The following HIRA variants were observed in gnomAD, a reference collection of about 807,000 sequenced individuals.
The protein encoded by HIRA is protein HIRA.
A neutral mutation model predicts 126.6 loss-of-function variants in HIRA; 13 were observed. That is an observed-to-expected ratio of 0.10 (90% CI 0.07 to 0.16). The LOEUF is 0.16. Ranked by LOEUF, HIRA falls within the 10% of genes least tolerant of loss-of-function variation. HIRA has a pLI of 1.00. For missense variants in HIRA, 834 were observed against 1,314.4 expected (o/e 0.63, Z 5.65); for synonymous variants, 511 against 520.0 (o/e 0.98, Z 0.24).
At chr22:19,411,390 A>G (rs2089350959) in intron 1 of HIRA, among the ~76,000 whole-genome samples, 1 of 152,244 alleles carries the variant, frequency 6.6e-6, no homozygotes, top group Non-Finnish European at 1.5e-5. Context: ...AGAGCCCAGT[A>G]TGGGCCTAGG....
intron 24 of HIRA, among the ~76,000 whole-genome samples, chr22:19,345,258 A>C (rs1395344501): frequency 6.6e-6 from 1 of 152,274 alleles, no homozygotes; most frequent in Non-Finnish European, 1.5e-5. Flanking sequence ...AAAAACTACT[A>C]TAAACAAAGC....
Position 19,333,680 on chromosome 22 carries a change from T to A in HIRA, c.2938-2124A>T, listed in dbSNP as rs147297578. On this transcript the variant is annotated intron_variant, in intron 24 of 24. Coordinates refer to ENST00000263208, the MANE Select transcript of HIRA (RefSeq NM_003325.4). Reference sequence around the variant, plus strand: ...TTTCTTCAAATAAGCTCTCTACTCCTTTCTCTCTCTTACACTTCTAGAACT... The same window carrying A: ...TTTCTTCAAATAAGCTCTCTACTCCATTCTCTCTCTTACACTTCTAGAACT... Among the ~76,000 whole-genome samples, 114 of 152,300 alleles carry A rather than the reference T, an allele frequency of 7.5e-4. 1 individual carries two copies. The East Asian group carries it at 0.019, about 26-fold the overall frequency.
Position 19,431,650 on chromosome 22 carries a change from A to G in HIRA, c.-174T>C. ...GGCCCGCGCCCCCCTCCGCCGCCAC[A>G]GCCGCCACCCGCGCTCGGCCGCCGC... On this transcript the variant is annotated 5_prime_UTR_variant, in exon 1 of 25. Transcript: ENST00000263208. 1.7e-6 allele frequency: 1 copy of G among 581,264 alleles called. No individual in the cohort carries two copies. Among genetic ancestry groups the G allele is most frequent in the Non-Finnish European group, 2.3e-6 (1 of 428,698 alleles). The allele number at this position is 581,264 out of a possible 1,614,324, so 36.0% of individuals were successfully genotyped here.
chr22:19,375,875 C>T, intron 14 of HIRA, 83 bp from the exon 15 acceptor site: 1 of 1,391,472 alleles, frequency 7.2e-7, no homozygotes, highest in Non-Finnish European at 9.9e-7. Flanking sequence ...TTGGAGCCTA[C>T]TAAAAAAGGC....
intron 11 of HIRA, among the ~76,000 whole-genome samples, chr22:19,386,334 C>A: frequency 6.6e-6 from 1 of 152,182 alleles, no homozygotes; most frequent in Non-Finnish European, 1.5e-5. Flanking sequence ...ACAAGCTAGA[C>A]AGGAGCCTCA....
chr22:19,390,627 A>AAAAAAAAAAAAG (rs61174807), intron 9 of HIRA, among the ~76,000 whole-genome samples: 1 of 149,070 alleles, frequency 6.7e-6, no homozygotes, highest in Non-Finnish European at 1.5e-5. Context: ...AAAAAAAAAA[A>AAAAAAAAAAAAG]GAAGCTGAAG....
At chr22:19,357,350 A>G (rs1556012950) in intron 18 of HIRA, among the ~76,000 whole-genome samples, 1 of 152,172 alleles carries the variant, frequency 6.6e-6, no homozygotes, top group Non-Finnish European at 1.5e-5. Context: ...GCCTCTGATG[A>G]TCACCCAGGA....
Position 19,394,461 on chromosome 22 carries a change from G to C in HIRA, c.703C>G (p.His235Asp), listed in dbSNP as rs1405927726. The change falls in exon 8 of 25, where the codon CAT becomes GAT. Residue 235 changes from histidine (H) to aspartate (D), a missense_variant. This residue lies in a region of HIRA where 53 missense variants were observed against 163.7 expected (regional missense o/e 0.32). Coordinates refer to ENST00000263208, the MANE Select transcript of HIRA (RefSeq NM_003325.4). ...VLRLSWSPDG[H>D]YLVSAHAMNN... ...ATGGCATGGGCAGACACCAGGTAATGCCCATCAGGTGACCAGCTGAGCCGC... is the reference window on the plus strand; with the variant it reads ...ATGGCATGGGCAGACACCAGGTAATCCCCATCAGGTGACCAGCTGAGCCGC... 6.2e-7 allele frequency: 1 copy of C among 1,614,126 alleles called. No individual in the cohort carries two copies. The highest frequency in any genetic ancestry group is 2.2e-5 in the East Asian group (1 of 44,888).
chr22:19,359,530 C>A (rs373162024), intron 17 of HIRA, 46 bp from the exon 18 acceptor site: 1 of 1,501,620 alleles, frequency 6.7e-7, no homozygotes. Context: ...GGGCCGCAGC[C>A]CAGGTGACAT....
chr22:19,356,347 C>A (rs1556012548), intron 19 of HIRA, 59 bp from the exon 20 acceptor site: 1 of 1,486,724 alleles, frequency 6.7e-7, no homozygotes, highest in African/African-American at 1.4e-5. Context: ...TCAGAGTGTG[C>A]CTTGGCTGCT....
chr22:19,368,650 A>T (rs2088936365), intron 15 of HIRA, among the ~76,000 whole-genome samples: 1 of 152,216 alleles, frequency 6.6e-6, no homozygotes, highest in South Asian at 2.1e-4. Context: ...CTGATCTGAA[A>T]GGGTTTCATG....
intron 2 of HIRA, among the ~76,000 whole-genome samples, chr22:19,409,743 A>G (rs1215969114): frequency 2.0e-5 from 3 of 152,228 alleles, no homozygotes; most frequent in Non-Finnish European, 2.9e-5. Context: ...GTATTTCCAA[A>G]ACATCTCTGC....
At chr22:19,370,747 C>G (rs951895355) in intron 15 of HIRA, among the ~76,000 whole-genome samples, 1 of 152,224 alleles carries the variant, frequency 6.6e-6, no homozygotes, top group Non-Finnish European at 1.5e-5. Flanking sequence ...GCTCACTATA[C>G]TCATTCTGGC....
rs545242262 is a variant in HIRA, at chr22:19,411,626, C to T, written c.38-848G>A. Among the ~76,000 whole-genome samples the T allele has an allele frequency of 3.9e-5, 6 of 152,338 alleles. No homozygotes were observed. The South Asian group carries it at 1.2e-3, about 32-fold the overall frequency. ...AGCCTCTAGCACAGTACCCAGTGTA[C>T]AGTAGCGCAGTAATATTTGTTCATT... On this transcript the variant is annotated intron_variant, in intron 1 of 24. Transcript: ENST00000263208.
intron 1 of HIRA, among the ~76,000 whole-genome samples, chr22:19,418,925 A>AAC (rs66479451): frequency 0.015 from 2,279 of 149,944 alleles, 41 homozygotes; most frequent in African/African-American, 0.042. Flanking sequence ...ATAAGAAATA[A>AAC]ACACACACAC....
At position 19,378,016 on chromosome 22, in the gene HIRA, G is replaced by A. The variant is rs775209569; in HGVS notation, c.1466C>T (p.Ala489Val). 3.1e-6 allele frequency: 5 copies of A among 1,604,140 alleles called. No homozygotes were observed. Among genetic ancestry groups the A allele is most frequent in the Middle Eastern group, 1.7e-4 (1 of 6,024 alleles). Residue 489 changes from alanine to valine, a missense_variant, in exon 14 of 25, where the codon GCG becomes GTG. This residue lies in a region of HIRA where 468 missense variants were observed against 574.2 expected (regional missense o/e 0.82). Coordinates refer to ENST00000263208, the MANE Select transcript of HIRA (RefSeq NM_003325.4). ...GCTATGAGAAGAGAGCATGGTGCCC[G>A]CCAGGGAGCCCGAGAGGGGGATGCT... ...FNSIPLSGSL[A>V]GTMLSSHSSP...
chr22:19,403,740 T>A (rs1183907927), intron 5 of HIRA, among the ~76,000 whole-genome samples: 1 of 152,232 alleles, frequency 6.6e-6, no homozygotes, highest in Non-Finnish European at 1.5e-5. Context: ...TAGGTTTTCT[T>A]GTATTTTCCA....
intron 5 of HIRA, among the ~76,000 whole-genome samples, chr22:19,404,762 T>C (rs983620366): frequency 1.3e-5 from 2 of 152,184 alleles, no homozygotes; most frequent in Non-Finnish European, 2.9e-5. Context: ...TCCGTCCCCA[T>C]AAGCCTGTTG....
rs753833761 is a variant in HIRA, at chr22:19,375,765, T to G, written c.1641A>C (p.Ala547=). Residue 547 remains alanine (A), a synonymous_variant, in exon 15 of 25, where the codon GCA becomes GCC. Transcript: ENST00000263208. The part of the protein sequence containing the change: ...DSMNATSTPA[A]LSPSVLTTPS... ...GGGTCGTTAACACAGAAGGTGACAATGCAGCAGGAGTAGAGGTAGCATTCA... is the reference window on the plus strand; with the variant it reads ...GGGTCGTTAACACAGAAGGTGACAAGGCAGCAGGAGTAGAGGTAGCATTCA... The G allele has an allele frequency of 6.2e-7, 1 of 1,613,944 alleles. No homozygotes were observed. The highest frequency in any genetic ancestry group is 1.1e-5 in the South Asian group (1 of 91,088).
Sources: gnomAD v4.1 joint callset for allele counts (sites outside exome capture counted in the v4.1 genomes callset) on GRCh38, gnomAD v4.1.1 for gene constraint, gnomAD v4.1.1 regional missense constraint, MANE v1.5 for transcripts, NCBI Gene and HGNC (gene_info 2026-07-23, HGNC 2026-07-21) for gene names.